The following SORCS1 variants were observed in gnomAD, a reference collection of about 807,000 sequenced individuals.
SORCS1 encodes the protein VPS10 domain-containing receptor SorCS1.
SORCS1 carries 60 observed loss-of-function variants against 146.1 expected under a neutral mutation model. The observed-to-expected ratio is 0.41, with a 90% CI of 0.33 to 0.51. The LOEUF is 0.51. Among genes scored for constraint, SORCS1 ranks in the 20% least tolerant of loss-of-function variants. SORCS1 has a pLI of 0.21. For synonymous variants in SORCS1, 637 were observed against 584.0 expected, an observed-to-expected ratio of 1.09 and a Z score of -1.31; for missense variants, 1,352 against 1,487.6, an observed-to-expected ratio of 0.91 and a Z score of 1.50.
At chr10:106,688,899 T>C (rs1564860281) in intron 9 of SORCS1, among the ~76,000 whole-genome samples, 1 of 152,234 alleles carries the variant, frequency 6.6e-6, no homozygotes, top group Non-Finnish European at 1.5e-5. Flanking sequence ...ATGCTCTTAA[T>C]GCCTACCTCA....
chr10:107,172,218 G>T, the SORCS1 span, among the ~76,000 whole-genome samples: 491 of 152,158 alleles, frequency 3.2e-3, 3 homozygotes, highest in African/African-American at 0.011. Context: ...TATCTTCTTA[G>T]ACTTCCATTA....
chr10:106,742,537 A>G (rs1157055766), intron 5 of SORCS1, among the ~76,000 whole-genome samples: 1 of 151,788 alleles, frequency 6.6e-6, no homozygotes, highest in African/African-American at 2.4e-5. Context: ...ATGCCACCAC[A>G]CCCGGCTAAT....
At chr10:106,649,394 C>T (rs1186962138) in intron 18 of SORCS1, among the ~76,000 whole-genome samples, 1 of 152,154 alleles carries the variant, frequency 6.6e-6, no homozygotes, top group African/African-American at 2.4e-5. Flanking sequence ...GAGCAACACC[C>T]CCATCACACG....
At position 106,876,637 on chromosome 10, in the gene SORCS1, C is replaced by T. The variant is rs190990580; in HGVS notation, c.627-46964G>A. Among the ~76,000 whole-genome samples the T allele has an allele frequency of 3.8e-3, 571 of 152,228 alleles. 5 individuals carry two copies. The highest frequency in any genetic ancestry group is 6.8e-3 in the Non-Finnish European group (464 of 68,014). ...GGCAGTGGAATGACGGACAGGATGC[C>T]CAAGTGGTCTGGCATCAGAGTCCAT... On this transcript the variant is annotated intron_variant, in intron 2 of 25. Transcript: ENST00000263054.
intron 1 of SORCS1, among the ~76,000 whole-genome samples, chr10:106,990,261 C>T (rs1038575184): frequency 1.4e-4 from 21 of 152,052 alleles, no homozygotes; most frequent in Admixed American, 9.2e-4. Context: ...ATTTGGAAGT[C>T]TACTGCTATT....
intron 1 of SORCS1, among the ~76,000 whole-genome samples, chr10:107,154,445 T>G (rs989383726): frequency 2.0e-5 from 3 of 152,202 alleles, no homozygotes; most frequent in African/African-American, 7.2e-5. Context: ...AATATATGTT[T>G]TTATAATCAA....
chr10:107,024,400 C>T (rs1033678944), intron 1 of SORCS1, among the ~76,000 whole-genome samples: 1 of 152,002 alleles, frequency 6.6e-6, no homozygotes, highest in Non-Finnish European at 1.5e-5. Context: ...CTCATGGAAA[C>T]TAATGAGTGA....
chr10:106,895,834 G>GCAACAATAGC (rs530225187), intron 2 of SORCS1, among the ~76,000 whole-genome samples: 1 of 152,208 alleles, frequency 6.6e-6, no homozygotes, highest in East Asian at 1.9e-4. Context: ...CACGTTTATA[G>GCAACAATAGC]CAACAATAGC....
At chr10:106,822,802 T>TTTTTTTTTTTTTTTTTTTTTTTG (rs994708912) in intron 3 of SORCS1, among the ~76,000 whole-genome samples, 5 of 140,116 alleles carry the variant, frequency 3.6e-5, no homozygotes, top group East Asian at 2.3e-4. Flanking sequence ...TTTTTTTTTT[T>TTTTTTTTTTTTTTTTTTTTTTTG]GAATATTGCT....
At chr10:106,872,710 C>T (rs906858319) in intron 2 of SORCS1, among the ~76,000 whole-genome samples, 3 of 152,108 alleles carry the variant, frequency 2.0e-5, no homozygotes, top group African/African-American at 7.2e-5. Flanking sequence ...TAATAATTTG[C>T]TTCCAGGGAA....
intron 1 of SORCS1, among the ~76,000 whole-genome samples, chr10:107,009,409 C>A (rs922981114): frequency 5.3e-5 from 8 of 152,110 alleles, no homozygotes; most frequent in African/African-American, 7.2e-5. Context: ...TATTTTTTAA[C>A]TGAAGTGTTC....
chr10:107,039,253 G>A (rs1014658480), intron 1 of SORCS1, among the ~76,000 whole-genome samples: 10 of 151,378 alleles, frequency 6.6e-5, no homozygotes, highest in Admixed American at 1.3e-4. Context: ...GCGTGAACCC[G>A]GGAGGAGGAG....
intron 2 of SORCS1, among the ~76,000 whole-genome samples, chr10:106,919,437 C>T (rs1443954621): frequency 2.0e-5 from 3 of 152,042 alleles, no homozygotes; most frequent in African/African-American, 7.3e-5. Context: ...ATATGGTCTG[C>T]CTGGGAAGAG....
At chr10:106,716,759 C>T (rs906166970) in intron 6 of SORCS1, among the ~76,000 whole-genome samples, 1 of 152,206 alleles carries the variant, frequency 6.6e-6, no homozygotes, top group Admixed American at 6.5e-5. Context: ...GCAGCACTAA[C>T]CTCCAAAATA....
chr10:106,894,563 G>A (rs1009589749), intron 2 of SORCS1, among the ~76,000 whole-genome samples: 1 of 152,028 alleles, frequency 6.6e-6, no homozygotes, highest in African/African-American at 2.4e-5. Context: ...AGACCTCCAT[G>A]GTAGAGTTAT....
At chr10:106,859,582 C>T (rs1466799704) in intron 2 of SORCS1, among the ~76,000 whole-genome samples, 2 of 152,120 alleles carry the variant, frequency 1.3e-5, no homozygotes, top group East Asian at 1.9e-4. Flanking sequence ...TTAGTAGAGA[C>T]GGGTTTTACC....
intron 1 of SORCS1, among the ~76,000 whole-genome samples, chr10:107,068,507 T>G (rs1962120913): frequency 6.6e-6 from 1 of 152,154 alleles, no homozygotes; most frequent in Non-Finnish European, 1.5e-5. Flanking sequence ...GTATTTGAAC[T>G]AGCATTACTT....
At chr10:107,119,828 A>G (rs889746000) in intron 1 of SORCS1, among the ~76,000 whole-genome samples, 1 of 152,156 alleles carries the variant, frequency 6.6e-6, no homozygotes, top group African/African-American at 2.4e-5. Flanking sequence ...TTAATTTCAG[A>G]TAGATAAAAG....
chr10:106,901,541 T>C (rs1029036856), intron 2 of SORCS1, among the ~76,000 whole-genome samples: 2 of 152,174 alleles, frequency 1.3e-5, no homozygotes, highest in Admixed American at 1.3e-4. Flanking sequence ...CAAGTGATCC[T>C]CCTGCCTCAG....
Sources: gnomAD v4.1 joint callset for allele counts (sites outside exome capture counted in the v4.1 genomes callset) on GRCh38, gnomAD v4.1.1 for gene constraint, MANE v1.5 for transcripts, NCBI Gene and HGNC (gene_info 2026-07-23, HGNC 2026-07-21) for gene names.